Variants in HPSE2 observed in about 807,000 individuals in gnomAD.
The protein encoded by HPSE2 is heparanase 2 (inactive), also known as inactive heparanase-2.
Under a neutral mutation model 60.5 loss-of-function variants are expected in HPSE2, and 38 were observed. That is an observed-to-expected ratio of 0.63 (90% CI 0.48 to 0.82). The LOEUF (loss-of-function observed/expected upper bound fraction) is 0.82. HPSE2 is among the 40% of genes least tolerant of loss of function. The pLI is 0.00. For synonymous variants in HPSE2, 295 were observed against 293.2 expected (o/e 1.01, Z -0.06); for missense variants, 713 against 740.4 (o/e 0.96, Z 0.43).
chr10:98,837,732 G>A (rs956723474), intron 3 of HPSE2, among the ~76,000 whole-genome samples: 1 of 152,076 alleles, frequency 6.6e-6, no homozygotes, highest in Admixed American at 6.5e-5. Flanking sequence ...AAATTAGCCG[G>A]GCGTGGTGGC....
Position 99,132,274 on chromosome 10 carries a change from A to T in HPSE2, c.610+11964T>A, listed in dbSNP as rs913895153. Reference sequence around the variant, plus strand: ...AAGAAAGAAAGAAAGAAAGAAAGAAAGAAAAGAAATTACCAGTAAAGAATT... The same window carrying T: ...AAGAAAGAAAGAAAGAAAGAAAGAATGAAAAGAAATTACCAGTAAAGAATT... On this transcript the variant is annotated intron_variant, in intron 3 of 11. Transcript: ENST00000370552. 2.3e-4 allele frequency among the ~76,000 whole-genome samples: 34 copies of T among 150,656 alleles called. 1 individual carries two copies. Among genetic ancestry groups the T allele is most frequent in the Non-Finnish European group, 4.9e-4 (33 of 67,658 alleles).
At chr10:99,275,175 A>G in the HPSE2 span, among the ~76,000 whole-genome samples, 1 of 152,240 alleles carries the variant, frequency 6.6e-6, no homozygotes, top group Non-Finnish European at 1.5e-5. Context: ...AAGAGAAAAA[A>G]GGTAATGGCT....
intron 9 of HPSE2, among the ~76,000 whole-genome samples, chr10:98,596,006 T>G (rs1413702427): frequency 2.0e-5 from 3 of 152,238 alleles, no homozygotes; most frequent in Admixed American, 1.3e-4. Context: ...ATTACCTTTA[T>G]AGATTTATGC....
the HPSE2 span, among the ~76,000 whole-genome samples, chr10:99,264,304 G>A: frequency 4.6e-5 from 7 of 151,904 alleles, no homozygotes; most frequent in African/African-American, 1.7e-4. Context: ...AGCCTGGATG[G>A]TTTTGATCTC....
chr10:98,992,498 G>T (rs562678137), intron 3 of HPSE2, among the ~76,000 whole-genome samples: 11 of 152,280 alleles, frequency 7.2e-5, no homozygotes, highest in African/African-American at 2.6e-4. Context: ...CCAAGGCACA[G>T]CTCAGCCTCT....
At chr10:98,585,311 AC>A (rs1469336847) in intron 9 of HPSE2, among the ~76,000 whole-genome samples, 1 of 149,226 alleles carries the variant, frequency 6.7e-6, no homozygotes, top group Non-Finnish European at 1.5e-5. Context: ...TCACTCTATC[AC>A]CTAGGCTGGA....
intron 9 of HPSE2, among the ~76,000 whole-genome samples, chr10:98,518,375 CA>C (rs1371978906): frequency 2.0e-5 from 3 of 152,074 alleles, no homozygotes; most frequent in Non-Finnish European, 4.4e-5. Flanking sequence ...TCACCTTGGG[CA>C]AAAACTTTCC....
chr10:99,144,206 T>C, intron 3 of HPSE2, 32 bp downstream of exon 3: 4 of 1,610,396 alleles, frequency 2.5e-6, no homozygotes, highest in Non-Finnish European at 3.4e-6. Context: ...AACTGAATGC[T>C]CTAAGATTTC....
At chr10:99,109,260 A>G (rs535768945) in intron 3 of HPSE2, among the ~76,000 whole-genome samples, 3 of 152,324 alleles carry the variant, frequency 2.0e-5, no homozygotes, top group African/African-American at 7.2e-5. Flanking sequence ...TCCCACCTAC[A>G]TAACTGTGTG....
At chr10:98,499,296 C>G (rs1029866860) in intron 9 of HPSE2, among the ~76,000 whole-genome samples, 1 of 152,160 alleles carries the variant, frequency 6.6e-6, no homozygotes, top group Non-Finnish European at 1.5e-5. Flanking sequence ...AGATTAACAG[C>G]AGATTTCTCA....
At chr10:98,615,505 G>A (rs1945882523) in intron 8 of HPSE2, among the ~76,000 whole-genome samples, 1 of 152,132 alleles carries the variant, frequency 6.6e-6, no homozygotes, top group African/African-American at 2.4e-5. Flanking sequence ...ATATAGTCTA[G>A]TCATTAGCAA....
intron 3 of HPSE2, among the ~76,000 whole-genome samples, chr10:98,944,420 A>G (rs192492102): frequency 1.8e-4 from 28 of 152,232 alleles, no homozygotes; most frequent in Non-Finnish European, 2.8e-4. Flanking sequence ...TATAAATTCT[A>G]CCATTAGAAT....
chr10:99,186,059 T>C (rs949046432), intron 2 of HPSE2, among the ~76,000 whole-genome samples: 1 of 144,238 alleles, frequency 6.9e-6, no homozygotes, highest in African/African-American at 2.6e-5. Flanking sequence ...CAATAAACCA[T>C]GGCCAGATCC....
At chr10:98,854,939 G>T (rs1039730354) in intron 3 of HPSE2, among the ~76,000 whole-genome samples, 5 of 152,112 alleles carry the variant, frequency 3.3e-5, no homozygotes, top group African/African-American at 1.2e-4. Flanking sequence ...CTGGAGTTTT[G>T]ACCTTTACTT....
At chr10:98,951,091 G>A (rs1199539797) in intron 3 of HPSE2, among the ~76,000 whole-genome samples, 1 of 152,124 alleles carries the variant, frequency 6.6e-6, no homozygotes, top group African/African-American at 2.4e-5. Flanking sequence ...ACTAGACAAG[G>A]TAGAGGGGCA....
chr10:98,987,440 T>C (rs986851952), intron 3 of HPSE2, among the ~76,000 whole-genome samples: 5 of 152,122 alleles, frequency 3.3e-5, no homozygotes, highest in African/African-American at 1.2e-4. Context: ...TTGACAAAAT[T>C]CAACAACCCT....
At chr10:98,915,795 C>A (rs539525364) in intron 3 of HPSE2, among the ~76,000 whole-genome samples, 1 of 152,250 alleles carries the variant, frequency 6.6e-6, no homozygotes, top group South Asian at 2.1e-4. Context: ...AAAGGAATGA[C>A]TGAAACTTTC....
At chr10:99,138,716 G>T (rs1845753535) in intron 3 of HPSE2, among the ~76,000 whole-genome samples, 1 of 152,118 alleles carries the variant, frequency 6.6e-6, no homozygotes, top group African/African-American at 2.4e-5. Context: ...CATAGGGATG[G>T]GAACATCACA....
intron 3 of HPSE2, among the ~76,000 whole-genome samples, chr10:98,744,994 A>T (rs1330742315): frequency 6.6e-6 from 1 of 152,020 alleles, no homozygotes; most frequent in African/African-American, 2.4e-5. Flanking sequence ...CGAGGTCAGG[A>T]GATGGAGACC....
Sources: allele counts gnomAD v4.1 joint callset (sites outside exome capture counted in the v4.1 genomes callset), GRCh38; gene constraint gnomAD v4.1.1; transcripts MANE v1.5; gene names NCBI Gene and HGNC (gene_info 2026-07-23, HGNC 2026-07-21).